SRGAP2: variants seen among roughly 807,000 people sequenced by gnomAD.
The protein encoded by SRGAP2 is SLIT-ROBO Rho GTPase-activating protein 2.
Under a neutral mutation model 57.2 loss-of-function variants are expected in SRGAP2, and 15 were observed. That is an observed-to-expected ratio of 0.26 (90% CI 0.18 to 0.40). The LOEUF is 0.40. Ranked by LOEUF, SRGAP2 falls within the 10% of genes least tolerant of loss-of-function variation. The pLI, the probability that SRGAP2 is intolerant of heterozygous loss-of-function variation, is 1.00. For missense variants in SRGAP2, 520 were observed against 669.6 expected (o/e 0.78, Z 2.47); for synonymous variants, 249 against 248.0 (o/e 1.00, Z -0.04).
intron 14 of SRGAP2, 134 bp from the exon 15 acceptor site, chr1:206,436,831 C>T (rs1256003473): frequency 1.5e-6 from 1 of 678,258 alleles, no homozygotes; most frequent in African/African-American, 1.8e-5. Context: ...ATGTTTTTCT[C>T]CTTTGGCCTA....
chr1:206,336,992 CAGAT>C (rs1476872765), intron 3 of SRGAP2, among the ~76,000 whole-genome samples: 1 of 133,036 alleles, frequency 7.5e-6, no homozygotes, highest in African/African-American at 3.5e-5. Context: ...TCTATCATCA[CAGAT>C]AGGTCTGTTT....
chr1:206,241,953 T>TGTGTGTG (rs1668262005), intron 2 of SRGAP2, among the ~76,000 whole-genome samples: 3 of 134,130 alleles, frequency 2.2e-5, no homozygotes, highest in Non-Finnish European at 3.1e-5. Context: ...TGTGTGTGTG[T>TGTGTGTG]TTTATCTCCT....
intron 5 of SRGAP2, among the ~76,000 whole-genome samples, chr1:206,392,202 A>G (rs1657043952): frequency 6.8e-6 from 1 of 146,926 alleles, no homozygotes. Context: ...AGCTTTTGGA[A>G]GCTTTTCCTC....
intron 16 of SRGAP2, 47 bp from the exon 17 acceptor site, chr1:206,439,927 TGG>T (rs782569589): frequency 2.6e-6 from 2 of 770,448 alleles, no homozygotes; most frequent in South Asian, 2.7e-5. Context: ...CATTACTGCC[TGG>T]GATCCCAGTC....
At chr1:206,390,913 G>A (rs1428136141) in intron 5 of SRGAP2, among the ~76,000 whole-genome samples, 1 of 152,058 alleles carries the variant, frequency 6.6e-6, no homozygotes, top group East Asian at 1.9e-4. Context: ...AGACTCTAAT[G>A]TACTTTGATT....
chr1:206,295,301 G>A (rs1671530042), intron 2 of SRGAP2, among the ~76,000 whole-genome samples: 1 of 152,042 alleles, frequency 6.6e-6, no homozygotes, highest in African/African-American at 2.4e-5. Context: ...TCAGCTCACT[G>A]TAACCTCTGC....
At chr1:206,339,007 G>A (rs4126752) in intron 3 of SRGAP2, among the ~76,000 whole-genome samples, 91,404 of 150,824 alleles carry the variant, frequency 0.61, 29,274 homozygotes, top group African/African-American at 0.81. Flanking sequence ...TTTGATATTC[G>A]TTTCAGCATC....
intron 11 of SRGAP2, among the ~76,000 whole-genome samples, chr1:206,417,771 A>G (rs149736614): frequency 4.5e-4 from 69 of 152,188 alleles, no homozygotes; most frequent in African/African-American, 1.6e-3. Flanking sequence ...AGCTGGTTAG[A>G]TAATTTCTAT....
chr1:206,275,567 C>T (rs1670360173), intron 2 of SRGAP2, among the ~76,000 whole-genome samples: 1 of 131,990 alleles, frequency 7.6e-6, no homozygotes, highest in African/African-American at 3.0e-5. Flanking sequence ...GGATATTCTT[C>T]CCTTCCAGGG....
At chr1:206,434,762 A>G (rs1289581025) in intron 14 of SRGAP2, among the ~76,000 whole-genome samples, 2 of 152,192 alleles carry the variant, frequency 1.3e-5, no homozygotes, top group African/African-American at 2.4e-5. Flanking sequence ...CTGATTTCCA[A>G]TGAGCTCTCC....
chr1:206,287,028 G>T (rs1374459660), intron 2 of SRGAP2, among the ~76,000 whole-genome samples: 1 of 152,204 alleles, frequency 6.6e-6, no homozygotes, highest in African/African-American at 2.4e-5. Flanking sequence ...AGAACAAAAT[G>T]AGGCTGAGTT....
At position 206,439,986 on chromosome 1, in the gene SRGAP2, C is replaced by T. The variant is rs782452728; in HGVS notation, c.1779C>T (p.Asn593=). ...HDLMACVTMD[N]LQERALHIRK... ...CTTTCTTCTTTTCAGCAATGGACAA[C>T]CTGCAGGAGAGAGCTCTGCACATCC... Residue 593 remains asparagine, a synonymous_variant, in exon 17 of 23, where the codon AAC becomes AAT. Transcript: ENST00000573034. 1 of 780,812 alleles carries T rather than the reference C, an allele frequency of 1.3e-6. No homozygotes were observed. Among genetic ancestry groups the T allele is most frequent in the Non-Finnish European group, 2.4e-6 (1 of 417,934 alleles). 48.4% of individuals were successfully genotyped at this position (780,812 alleles called of 1,614,324 possible).
chr1:206,411,204 T>A (rs1659192249), intron 10 of SRGAP2, among the ~76,000 whole-genome samples: 1 of 152,148 alleles, frequency 6.6e-6, no homozygotes, highest in African/African-American at 2.4e-5. Flanking sequence ...GGTTCTTTTA[T>A]GGGGGATAGA....
At chr1:206,421,416 T>G (rs1553364318) in intron 13 of SRGAP2, 142 bp downstream of exon 13, 4 of 490,240 alleles carry the variant, frequency 8.2e-6, no homozygotes, top group Middle Eastern at 2.9e-4. Flanking sequence ...TCATAGTATG[T>G]TTAATATGGT....
At chr1:206,351,133 GAA>G (rs1553338094) in intron 4 of SRGAP2, among the ~76,000 whole-genome samples, 1 of 152,256 alleles carries the variant, frequency 6.6e-6, no homozygotes, top group African/African-American at 2.4e-5. Flanking sequence ...GCATGTGTGA[GAA>G]GAGTGGATGA....
At chr1:206,436,396 G>A (rs1267198328) in intron 14 of SRGAP2, among the ~76,000 whole-genome samples, 1 of 151,374 alleles carries the variant, frequency 6.6e-6, no homozygotes, top group African/African-American at 2.4e-5. Context: ...TGTCACCCAG[G>A]CTGGAGGGCA....
At chr1:206,283,244 A>G (rs1216513043) in intron 2 of SRGAP2, among the ~76,000 whole-genome samples, 1 of 150,478 alleles carries the variant, frequency 6.6e-6, no homozygotes, top group African/African-American at 2.4e-5. Context: ...TTACATTGCA[A>G]TTACTTCTTA....
At chr1:206,220,422 C>G (rs560604362) in intron 2 of SRGAP2, among the ~76,000 whole-genome samples, 1 of 152,200 alleles carries the variant, frequency 6.6e-6, no homozygotes, top group East Asian at 1.9e-4. Flanking sequence ...ATGGGAACCC[C>G]CTCCCCACCT....
At chr1:206,290,790 G>A (rs1196752123) in intron 2 of SRGAP2, among the ~76,000 whole-genome samples, 13 of 151,644 alleles carry the variant, frequency 8.6e-5, no homozygotes, top group Admixed American at 8.5e-4. Flanking sequence ...TACAGAATAG[G>A]GACATTCTTG....
Sources: allele counts gnomAD v4.1 joint callset (sites outside exome capture counted in the v4.1 genomes callset), GRCh38; gene constraint gnomAD v4.1.1; transcripts MANE v1.5; gene names NCBI Gene and HGNC (gene_info 2026-07-23, HGNC 2026-07-21).